The following CDKAL1 variants were observed in gnomAD, a reference collection of about 807,000 sequenced individuals.
CDKAL1 encodes the protein threonylcarbamoyladenosine tRNA methylthiotransferase.
Under a neutral mutation model 68.2 loss-of-function variants are expected in CDKAL1, and 32 were observed. The ratio of observed to expected loss-of-function variants is 0.47; its 90% confidence interval spans 0.35 to 0.63. The LOEUF is 0.63. Among genes scored for constraint, CDKAL1 ranks in the 30% least tolerant of loss-of-function variants. CDKAL1 has a pLI of 0.00. For missense variants in CDKAL1, 606 were observed against 696.7 expected, an observed-to-expected ratio of 0.87 and a Z score of 1.47; for synonymous variants, 234 against 244.3, an observed-to-expected ratio of 0.96 and a Z score of 0.39.
At chr6:20,546,989 G>T (rs1454846334) in intron 3 of CDKAL1, among the ~76,000 whole-genome samples, 2 of 152,158 alleles carry the variant, frequency 1.3e-5, no homozygotes, top group East Asian at 3.9e-4. Flanking sequence ...AAATGCTTGA[G>T]ACCAGAAGTG....
chr6:20,561,337 G>A (rs1764257390), intron 4 of CDKAL1, among the ~76,000 whole-genome samples: 1 of 151,528 alleles, frequency 6.6e-6, no homozygotes, highest in South Asian at 2.1e-4. Flanking sequence ...AGCTACTGAG[G>A]AGGCTGAGGC....
intron 11 of CDKAL1, among the ~76,000 whole-genome samples, chr6:21,018,941 C>T (rs946611167): frequency 5.3e-5 from 8 of 151,884 alleles, no homozygotes; most frequent in African/African-American, 1.9e-4. Flanking sequence ...TGTCATACTT[C>T]TCATTTGTTA....
intron 11 of CDKAL1, among the ~76,000 whole-genome samples, chr6:21,042,848 C>A (rs1461003446): frequency 6.6e-6 from 1 of 152,146 alleles, no homozygotes; most frequent in East Asian, 1.9e-4. Context: ...TTACGATACT[C>A]CCATTCATAG....
intron 13 of CDKAL1, among the ~76,000 whole-genome samples, chr6:21,141,043 C>T (rs1022095885): frequency 1.3e-5 from 2 of 152,134 alleles, no homozygotes; most frequent in East Asian, 1.9e-4. Context: ...ATCACCTCCC[C>T]CTGGGTCCCT....
intron 4 of CDKAL1, among the ~76,000 whole-genome samples, chr6:20,613,889 C>T (rs1193794906): frequency 6.6e-6 from 1 of 151,924 alleles, no homozygotes; most frequent in African/African-American, 2.4e-5. Flanking sequence ...ACCTAATTGC[C>T]TTGTGTAGAG....
At chr6:21,205,590 G>A (rs1778876792) in intron 15 of CDKAL1, among the ~76,000 whole-genome samples, 1 of 151,860 alleles carries the variant, frequency 6.6e-6, no homozygotes, top group African/African-American at 2.4e-5. Flanking sequence ...GAGTGCAGTG[G>A]CCTGATCTCG....
chr6:20,584,919 T>C (rs1237839286), intron 4 of CDKAL1, among the ~76,000 whole-genome samples: 1 of 152,238 alleles, frequency 6.6e-6, no homozygotes, highest in Admixed American at 6.5e-5. Context: ...GTTACTTGTA[T>C]ACTCATCCTG....
Position 21,111,049 on chromosome 6 carries a change from T to G in CDKAL1, c.1299+2586T>G, listed in dbSNP as rs1474881021. On this transcript the variant is annotated intron_variant, in intron 13 of 15. Transcript: ENST00000274695. ...TAAAATAAGATTGCCCATGTGTTGG[T>G]GATTATCAAAACTAAATGATGTTTG... Among the ~76,000 whole-genome samples the G allele has an allele frequency of 3.9e-5, 6 of 152,226 alleles. No homozygotes were observed. In the East Asian group the frequency reaches 1.2e-3, roughly 29 times the overall value.
rs544788687 is a variant in CDKAL1, at chr6:20,584,477, T to C, written c.286+35772T>C. Among the ~76,000 whole-genome samples, 5 of 152,246 alleles carry C rather than the reference T, an allele frequency of 3.3e-5. No homozygotes were observed. In the East Asian group the frequency reaches 7.7e-4, roughly 24 times the overall value. On this transcript the variant is annotated intron_variant, in intron 4 of 15. Transcript: ENST00000274695. The stretch of plus-strand genomic sequence containing the variant: ...AGGCTGGAAATGCACACAACCCTCC[T>C]GCCCCATCCGTGAGCAGTCCAGTGT...
intron 5 of CDKAL1, among the ~76,000 whole-genome samples, chr6:20,671,195 T>G (rs1327037862): frequency 6.6e-6 from 1 of 152,218 alleles, no homozygotes; most frequent in Non-Finnish European, 1.5e-5. Flanking sequence ...TTGTTGTCAT[T>G]CTTTATAATT....
intron 5 of CDKAL1, among the ~76,000 whole-genome samples, chr6:20,649,725 C>A (rs1768659682): frequency 6.6e-6 from 1 of 152,102 alleles, no homozygotes; most frequent in Non-Finnish European, 1.5e-5. Context: ...TCCCTTCCCC[C>A]ACCCCCTAAC....
At chr6:21,058,659 C>T (rs1770969278) in intron 11 of CDKAL1, among the ~76,000 whole-genome samples, 1 of 152,106 alleles carries the variant, frequency 6.6e-6, no homozygotes, top group Non-Finnish European at 1.5e-5. Context: ...AGTGGTTTTC[C>T]CTTTCCATAT....
intron 10 of CDKAL1, among the ~76,000 whole-genome samples, chr6:20,981,468 A>G (rs1001845253): frequency 6.6e-6 from 1 of 152,172 alleles, no homozygotes; most frequent in South Asian, 2.1e-4. Flanking sequence ...TCTCTGATGA[A>G]TCGTGCCCAT....
At chr6:20,926,508 T>C (rs1371532639) in intron 9 of CDKAL1, among the ~76,000 whole-genome samples, 1 of 152,118 alleles carries the variant, frequency 6.6e-6, no homozygotes, top group Non-Finnish European at 1.5e-5. Flanking sequence ...ACAGCTGTTC[T>C]CTATTTCTGT....
intron 5 of CDKAL1, among the ~76,000 whole-genome samples, chr6:20,721,723 C>CTTTTTTTTTTTTT (rs1562052673): frequency 7.4e-5 from 8 of 107,914 alleles, no homozygotes; most frequent in Admixed American, 1.0e-4. Flanking sequence ...TGACCAACTT[C>CTTTTTTTTTTTTT]TGTTTTTTTT....
At chr6:21,088,833 T>C (rs1352903436) in intron 12 of CDKAL1, among the ~76,000 whole-genome samples, 1 of 152,074 alleles carries the variant, frequency 6.6e-6, no homozygotes, top group African/African-American at 2.4e-5. Flanking sequence ...TCCCAGCTAC[T>C]CAAGAGCCTG....
At chr6:21,216,398 T>G (rs1779340078) in intron 15 of CDKAL1, among the ~76,000 whole-genome samples, 1 of 152,106 alleles carries the variant, frequency 6.6e-6, no homozygotes, top group African/African-American at 2.4e-5. Context: ...GCCAAGGAGT[T>G]CAAGGCTGCA....
In CDKAL1 at chr6:20,538,528, A is replaced by G. The variant is rs912723997; in HGVS notation, c.-6+3134A>G. On this transcript the variant is annotated intron_variant, in intron 2 of 15. Coordinates refer to ENST00000274695, the MANE Select transcript of CDKAL1 (RefSeq NM_017774.3). ...CTAACTCTAATGATATGGGATGTCT[A>G]TTGCAGTGGATTCCTTTCATTCCTC... Among the ~76,000 whole-genome samples the G allele has an allele frequency of 2.6e-5, 4 of 152,190 alleles. No homozygotes were observed. The East Asian group carries it at 5.8e-4, about 22-fold the overall frequency.
chr6:20,572,210 A>C (rs919815502), intron 4 of CDKAL1, among the ~76,000 whole-genome samples: 2 of 152,188 alleles, frequency 1.3e-5, no homozygotes, highest in Non-Finnish European at 2.9e-5. Flanking sequence ...GTTATTAGGC[A>C]GCAAGAGTAA....
Sources: gnomAD v4.1 joint callset for allele counts (sites outside exome capture counted in the v4.1 genomes callset) on GRCh38, gnomAD v4.1.1 for gene constraint, MANE v1.5 for transcripts, NCBI Gene and HGNC (gene_info 2026-07-23, HGNC 2026-07-21) for gene names.